Variants in GRIK4 observed in about 807,000 individuals in gnomAD.
GRIK4 encodes the protein glutamate receptor ionotropic, kainate 4.
Under a neutral mutation model 104.9 loss-of-function variants are expected in GRIK4, and 40 were observed. The ratio of observed to expected loss-of-function variants is 0.38; its 90% CI spans 0.30 to 0.50. GRIK4 has a LOEUF of 0.50. Among genes scored for constraint, GRIK4 ranks in the 20% least tolerant of loss-of-function variants. The probability of loss-of-function intolerance (pLI) is 0.93; values close to 1 mark genes in which losing one functional copy is unlikely to be tolerated. For synonymous variants in GRIK4, 485 were observed against 524.9 expected (o/e 0.92, Z 1.04); for missense variants, 1,047 against 1,308.1 (o/e 0.80, Z 3.08).
intron 4 of GRIK4, among the ~76,000 whole-genome samples, 190 bp downstream of exon 4, chr11:120,803,047 G>A (rs1591933397): frequency 6.6e-6 from 1 of 152,190 alleles, no homozygotes. Context: ...GGTTTTGTGC[G>A]AATCACGTGT....
rs10502241 is a variant in GRIK4, at chr11:120,718,640, G to C, written c.82+58240G>C. On this transcript the variant is annotated intron_variant, in intron 3 of 20. Transcript: ENST00000527524. The stretch of plus-strand genomic sequence containing the variant: ...ATCCAACATGTATTGAGCATTGTCT[G>C]TACGCTGAAGCTGAGCAAGGCACTT... Among the ~76,000 whole-genome samples, 5 of 152,316 alleles carry C rather than the reference G, an allele frequency of 3.3e-5. No individual in the cohort carries two copies. The East Asian group carries it at 7.7e-4, about 24-fold the overall frequency.
intron 4 of GRIK4, among the ~76,000 whole-genome samples, chr11:120,804,414 G>A (rs1952676345): frequency 1.3e-5 from 2 of 152,152 alleles, no homozygotes; most frequent in South Asian, 2.1e-4. Context: ...GTTAAGAAGC[G>A]ATGCAGGCAG....
rs184995474 is a variant in GRIK4, at chr11:120,857,959, T to C, written c.745-4000T>C. On this transcript the variant is annotated intron_variant, in intron 8 of 20. Coordinates refer to ENST00000527524, the MANE Select transcript of GRIK4 (RefSeq NM_014619.5). ...TAGTGGAAGACCTGGTCCTGGTCTCTGCCCCACCACTTGGCTTTACCAGGT... is the reference window on the plus strand; with the variant it reads ...TAGTGGAAGACCTGGTCCTGGTCTCCGCCCCACCACTTGGCTTTACCAGGT... Among the ~76,000 whole-genome samples the C allele has an allele frequency of 3.4e-3, 515 of 152,174 alleles. 3 individuals carry two copies. Among genetic ancestry groups the C allele is most frequent in the African/African-American group, 0.012 (491 of 41,444 alleles).
chr11:120,896,814 G>C (rs906232272), intron 11 of GRIK4, among the ~76,000 whole-genome samples: 1 of 152,212 alleles, frequency 6.6e-6, no homozygotes, highest in Non-Finnish European at 1.5e-5. Context: ...AACTTGTGTG[G>C]GTCTTCCAGG....
chr11:120,713,145 A>C (rs1950767744), intron 3 of GRIK4, among the ~76,000 whole-genome samples: 1 of 152,208 alleles, frequency 6.6e-6, no homozygotes, highest in Admixed American at 6.5e-5. Context: ...TGAAAAAACA[A>C]AGCTCATGTT....
intron 19 of GRIK4, among the ~76,000 whole-genome samples, chr11:120,968,872 A>G (rs565850437): frequency 2.6e-5 from 4 of 152,332 alleles, no homozygotes; most frequent in African/African-American, 9.6e-5. Context: ...GGCTGCTGTG[A>G]AGGGAGAGTG....
intron 13 of GRIK4, among the ~76,000 whole-genome samples, chr11:120,909,738 T>C (rs1234787380): frequency 6.6e-6 from 1 of 152,140 alleles, no homozygotes; most frequent in Admixed American, 6.5e-5. Context: ...TTGGAGAGTT[T>C]GGGGAATATG....
chr11:120,951,162 G>A (rs1031904027), intron 14 of GRIK4, among the ~76,000 whole-genome samples: 3 of 152,156 alleles, frequency 2.0e-5, no homozygotes, highest in Non-Finnish European at 1.5e-5. Flanking sequence ...CATCCTCTCC[G>A]TGTACCCTCC....
intron 1 of GRIK4, among the ~76,000 whole-genome samples, chr11:120,591,834 C>A (rs1355232289): frequency 6.7e-6 from 1 of 150,242 alleles, no homozygotes; most frequent in Non-Finnish European, 1.5e-5. Flanking sequence ...TCCTGCATCC[C>A]TCCTCCTCTT....
chr11:120,517,821 G>A (rs1947749535), intron 1 of GRIK4, among the ~76,000 whole-genome samples: 1 of 152,166 alleles, frequency 6.6e-6, no homozygotes, highest in Non-Finnish European at 1.5e-5. Flanking sequence ...TGGCCTGGGA[G>A]CGTGACTAGG....
At chr11:120,686,198 C>T (rs1950274658) in intron 3 of GRIK4, among the ~76,000 whole-genome samples, 1 of 152,116 alleles carries the variant, frequency 6.6e-6, no homozygotes, top group Admixed American at 6.5e-5. Context: ...AATCTGAACC[C>T]AATTCTTCAT....
chr11:120,872,788 C>A, intron 9 of GRIK4: 1 of 182,282 alleles, frequency 5.5e-6, no homozygotes. Context: ...TGCCAGGGAC[C>A]CCGCATACAT....
chr11:120,890,470 G>C (rs1955254940), intron 11 of GRIK4, among the ~76,000 whole-genome samples: 1 of 152,228 alleles, frequency 6.6e-6, no homozygotes, highest in Non-Finnish European at 1.5e-5. Flanking sequence ...ATGATGATCA[G>C]AGAGGAATTG....
intron 3 of GRIK4, among the ~76,000 whole-genome samples, chr11:120,788,569 G>GA (rs1427627617): frequency 6.6e-6 from 1 of 151,910 alleles, no homozygotes; most frequent in African/African-American, 2.4e-5. Context: ...TGAGTAAAAG[G>GA]AAAAAAAGGA....
intron 1 of GRIK4, among the ~76,000 whole-genome samples, chr11:120,580,181 C>T (rs537495692): frequency 3.3e-5 from 5 of 151,708 alleles, no homozygotes; most frequent in South Asian, 4.2e-4. Flanking sequence ...CTGTTCTACA[C>T]ATTTGAGTAC....
intron 1 of GRIK4, among the ~76,000 whole-genome samples, chr11:120,605,127 G>C (rs998105217): frequency 6.6e-6 from 1 of 152,194 alleles, no homozygotes; most frequent in South Asian, 2.1e-4. Flanking sequence ...GAGCCAGTGC[G>C]CACAGCACAG....
chr11:120,932,471 C>T (rs560877493), intron 13 of GRIK4, among the ~76,000 whole-genome samples: 1 of 152,042 alleles, frequency 6.6e-6, no homozygotes, highest in Admixed American at 6.5e-5. Context: ...CATTATCCCT[C>T]CCAGGAAAGC....
chr11:120,876,352 C>G (rs1340447058), intron 11 of GRIK4, among the ~76,000 whole-genome samples: 5 of 798 alleles, frequency 6.3e-3, no homozygotes, highest in Admixed American at 0.014. Context: ...ATCACCACCA[C>G]CACCCTCATC....
In GRIK4 at chr11:120,949,570, T is replaced by C. The variant is rs1456445044; in HGVS notation, c.1591-3285T>C. ...ATAAATACAGCAGAGTCACAATAAA[T>C]GGTGATGGGTATAAATAAATAATGT... On this transcript the variant is annotated intron_variant, in intron 14 of 20. Coordinates refer to ENST00000527524, the MANE Select transcript of GRIK4 (RefSeq NM_014619.5). Among the ~76,000 whole-genome samples the C allele has an allele frequency of 2.6e-5, 4 of 152,082 alleles. No homozygotes were observed. In the East Asian group the frequency reaches 7.7e-4, roughly 29 times the overall value.
Sources: allele counts gnomAD v4.1 joint callset (sites outside exome capture counted in the v4.1 genomes callset), GRCh38; gene constraint gnomAD v4.1.1; transcripts MANE v1.5; gene names NCBI Gene and HGNC (gene_info 2026-07-23, HGNC 2026-07-21).